CASZ1: variants seen among roughly 807,000 people sequenced by gnomAD.
CASZ1 encodes castor zinc finger 1.
CASZ1 carries 28 observed loss-of-function variants against 135.2 expected under a neutral mutation model. The ratio of observed to expected loss-of-function variants is 0.21; its 90% confidence interval spans 0.15 to 0.28. CASZ1 has a LOEUF of 0.28. Ranked by LOEUF, CASZ1 falls within the 10% of genes least tolerant of loss-of-function variation. The probability of loss-of-function intolerance (pLI) is 1.00; values close to 1 mark genes in which losing one functional copy is unlikely to be tolerated. For synonymous variants in CASZ1, 1,068 were observed against 1,073.4 expected, an observed-to-expected ratio of 0.99 and a Z score of 0.10; for missense variants, 2,161 against 2,453.3, an observed-to-expected ratio of 0.88 and a Z score of 2.52.
At chr1:10,769,092 A>T (rs1640529364) in intron 1 of CASZ1, among the ~76,000 whole-genome samples, 1 of 152,190 alleles carries the variant, frequency 6.6e-6, no homozygotes, top group Non-Finnish European at 1.5e-5. Flanking sequence ...GTGAGCAGAG[A>T]TTGTGCCACT....
At position 10,789,809 on chromosome 1, in the gene CASZ1, G is replaced by T. The variant is rs564869952; in HGVS notation, c.-234+6755C>A. Among the ~76,000 whole-genome samples, 9 of 152,246 alleles carry T rather than the reference G, an allele frequency of 5.9e-5. No homozygotes were observed. The South Asian group carries it at 1.7e-3, about 28-fold the overall frequency. On this transcript the variant is annotated intron_variant, in intron 1 of 20. Coordinates refer to ENST00000377022, the MANE Select transcript of CASZ1 (RefSeq NM_001079843.3). ...GTCCAGGCCACCCCTCACTCTGCCG[G>T]ACTTTGAACAGGGGGAACAGGAGAA...
chr1:10,745,463 A>G (rs1640022243), intron 2 of CASZ1, among the ~76,000 whole-genome samples: 1 of 152,172 alleles, frequency 6.6e-6, no homozygotes, highest in African/African-American at 2.4e-5. Context: ...GGCAAACAGC[A>G]AAAGGGGACT....
Position 10,675,382 on chromosome 1 carries a change from C to T in CASZ1, c.17-9811G>A, listed in dbSNP as rs576720278. On this transcript the variant is annotated intron_variant, in intron 4 of 20. Coordinates refer to ENST00000377022, the MANE Select transcript of CASZ1 (RefSeq NM_001079843.3). ...AAGGGCCAGAAACCCCGAGGCAAGGCTGGCGGGAAGGAATGGGGGTCCTGG... is the reference window on the plus strand; with the variant it reads ...AAGGGCCAGAAACCCCGAGGCAAGGTTGGCGGGAAGGAATGGGGGTCCTGG... Among the ~76,000 whole-genome samples, 130 of 152,132 alleles carry T rather than the reference C, an allele frequency of 8.5e-4. 3 individuals carry two copies. In the South Asian group the frequency reaches 0.012, roughly 15 times the overall value.
intron 2 of CASZ1, among the ~76,000 whole-genome samples, chr1:10,729,153 C>T (rs544110963): frequency 2.6e-4 from 39 of 152,242 alleles, no homozygotes; most frequent in African/African-American, 8.7e-4. Flanking sequence ...CGGCTCCTGC[C>T]CCCCAGGCCC....
intron 3 of CASZ1, among the ~76,000 whole-genome samples, chr1:10,695,637 T>C (rs1213678752): frequency 7.5e-6 from 1 of 133,572 alleles, no homozygotes; most frequent in African/African-American, 2.8e-5. Flanking sequence ...ACGTGGAACC[T>C]CATTTCCTGC....
intron 2 of CASZ1, among the ~76,000 whole-genome samples, chr1:10,722,596 G>A (rs190699486): frequency 2.1e-4 from 32 of 152,358 alleles, no homozygotes; most frequent in Non-Finnish European, 4.6e-4. Context: ...TGGGTGCTGG[G>A]AGCCCAAGTG....
Position 10,774,320 on chromosome 1 carries a change from TCTGA to T in CASZ1, c.-233-13467_-233-13464del, listed in dbSNP as rs1640625566. Among the ~76,000 whole-genome samples the T allele has an allele frequency of 1.3e-5, 2 of 152,138 alleles. No individual in the cohort carries two copies. The highest frequency in any genetic ancestry group is 2.4e-5 in the African/African-American group (1 of 41,452). ...TCTACCCCTTTTAAATGTTCTCAAC[TCTGA>T]CTGCTTTCGGCAGCACACTGTCAAA... On this transcript the variant is annotated intron_variant, in intron 1 of 20. Transcript: ENST00000377022. The surrounding 1 kb of genome is among the most constrained non-coding windows in gnomAD (Gnocchi z 4.4).
Position 10,639,966 on chromosome 1 carries a change from G to T in CASZ1, c.4256C>A (p.Ala1419Glu), listed in dbSNP as rs746210310. The T allele has an allele frequency of 5.0e-6, 8 of 1,612,674 alleles. No individual in the cohort carries two copies. The highest frequency in any genetic ancestry group is 2.2e-5 in the East Asian group (1 of 44,904). The change falls in exon 21 of 21, where the codon GCG (alanine) becomes GAG (glutamate). Residue 1419 changes from alanine (A) to glutamate (E), a missense_variant. Around this residue, in one of 7 missense-constraint regions of CASZ1, gnomAD observed 143 missense variants for 128.3 expected, o/e 1.11. Transcript: ENST00000377022. The surrounding 1 kb of genome is among the most constrained non-coding windows in gnomAD (Gnocchi z 4.0). ...MSPFGKRRKT[A>E]SSRKMLDEGM... ...CTCGTCCAGCATCTTCCGGGAGGAC[G>T]CCGTCTTCCGCCGCTTGCCGAAGGG...
chr1:10,656,409 C>G (rs1642796915), intron 8 of CASZ1, among the ~76,000 whole-genome samples: 1 of 152,196 alleles, frequency 6.6e-6, no homozygotes, highest in African/African-American at 2.4e-5. Flanking sequence ...TCAAAGGGGA[C>G]TGGAATGATC....
At chr1:10,695,332 C>T (rs1018915252) in intron 3 of CASZ1, among the ~76,000 whole-genome samples, 1 of 152,140 alleles carries the variant, frequency 6.6e-6, no homozygotes, top group African/African-American at 2.4e-5. Context: ...CCTCCCAGAG[C>T]CTCCCCGGTC....
At chr1:10,693,410 C>A (rs1007202753) in intron 4 of CASZ1, among the ~76,000 whole-genome samples, 5 of 149,406 alleles carry the variant, frequency 3.3e-5, no homozygotes, top group African/African-American at 4.9e-5. Flanking sequence ...CCCAACAGGA[C>A]GCTGCTTTCA....
At position 10,697,909 on chromosome 1, in the gene CASZ1, G is replaced by A. The variant is rs931245119; in HGVS notation, c.-23-3997C>T. ...TTGCGTGTGAGCCCGCTCCGGGGCC[G>A]ATGGAGGGAGGGTGTCGGGAAAGCT... On this transcript the variant is annotated intron_variant, in intron 3 of 20. Transcript: ENST00000377022. The surrounding 1 kb of genome is among the most constrained non-coding windows in gnomAD (Gnocchi z 4.7). Among the ~76,000 whole-genome samples the A allele has an allele frequency of 1.6e-4, 25 of 152,378 alleles. No individual in the cohort carries two copies. Among genetic ancestry groups the A allele is most frequent in the Admixed American group, 1.3e-3 (20 of 15,310 alleles).
chr1:10,653,933 C>A lies in CASZ1; in HGVS notation c.2124G>T (p.Ser708=), dbSNP rs144114370. 9.9e-6 allele frequency: 16 copies of A among 1,613,554 alleles called. No individual in the cohort carries two copies. The South Asian group carries it at 1.8e-4, about 18-fold the overall frequency. ...GCTCCGTGTCCTTGGCGCCCAGCAG[C>A]GAGGGCGGCAGCCCCAGCGCGCCCG... is the stretch of plus-strand genomic sequence containing the variant. ...RSSGALGLPP[S]LLGAKDTEHE... The change falls in exon 11 of 21, where the codon TCG becomes TCT. Residue 708 remains serine, a synonymous_variant. Transcript: ENST00000377022.
At chr1:10,644,209 G>A (rs1642295573) in intron 18 of CASZ1, among the ~76,000 whole-genome samples, 1 of 152,162 alleles carries the variant, frequency 6.6e-6, no homozygotes, top group South Asian at 2.1e-4. Flanking sequence ...CGTGGGTTCT[G>A]GTCTCTTCCT....
At chr1:10,784,048 A>G (rs1640811494) in intron 1 of CASZ1, among the ~76,000 whole-genome samples, 1 of 152,052 alleles carries the variant, frequency 6.6e-6, no homozygotes, top group South Asian at 2.1e-4. Flanking sequence ...ATTCCACAGG[A>G]CTGGAGAGGT....
At chr1:10,649,624 C>CT (rs1642493983) in intron 13 of CASZ1, 187 bp from the exon 14 acceptor site, 2 of 642,114 alleles carry the variant, frequency 3.1e-6, no homozygotes, top group Non-Finnish European at 2.6e-6. Flanking sequence ...GCCTGCTGTG[C>CT]TGCCCCGACC....
At chr1:10,688,778 C>A (rs951685303) in intron 4 of CASZ1, among the ~76,000 whole-genome samples, 1 of 152,180 alleles carries the variant, frequency 6.6e-6, no homozygotes, top group African/African-American at 2.4e-5. Context: ...GTGCGCTAGA[C>A]CACCAAGCTG....
chr1:10,646,284 G>A lies in CASZ1; in HGVS notation c.3540C>T (p.Phe1180=). The change falls in exon 17 of 21, where the codon TTC becomes TTT. Residue 1180 remains phenylalanine, a synonymous_variant. Transcript: ENST00000377022. This position sits in a 1 kb window ranked among gnomAD's most constrained non-coding sequence, Gnocchi z 6.4. ...LATDCKYANK[F]HFHCLFGNCK... Reference sequence around the variant, plus strand: ...AGTTCCCAAAGAGACAGTGGAAGTGGAACTTGTTGGCGTACTTGCAGTCCG... The same window carrying A: ...AGTTCCCAAAGAGACAGTGGAAGTGAAACTTGTTGGCGTACTTGCAGTCCG... 6.2e-7 allele frequency: 1 copy of A among 1,614,188 alleles called. No homozygotes were observed. The highest frequency in any genetic ancestry group is 1.1e-5 in the South Asian group (1 of 91,078).
chr1:10,665,703 G>T, intron 4 of CASZ1, 132 bp from the exon 5 acceptor site: 1 of 1,000,942 alleles, frequency 1.0e-6, no homozygotes, highest in Non-Finnish European at 1.4e-6. Flanking sequence ...ACTGCCCTGA[G>T]ACTGCCTGGC....
Sources: gnomAD v4.1 joint callset for allele counts (sites outside exome capture counted in the v4.1 genomes callset) on GRCh38, gnomAD v4.1.1 for gene constraint, gnomAD v4.1.1 regional missense constraint, Gnocchi (gnomAD v3.1) non-coding constraint, MANE v1.5 for transcripts, NCBI Gene and HGNC (gene_info 2026-07-23, HGNC 2026-07-21) for gene names.